The following SLC4A4 variants were observed in gnomAD, a reference collection of about 807,000 sequenced individuals.
SLC4A4 encodes electrogenic sodium bicarbonate cotransporter 1.
In SLC4A4, 27 loss-of-function variants were observed where a neutral mutation model predicts 111.5. The ratio of observed to expected loss-of-function variants is 0.24; its 90% confidence interval spans 0.18 to 0.33. The LOEUF (loss-of-function observed/expected upper bound fraction) is 0.33, where lower values mean the gene tolerates loss of function less well. Ranked by LOEUF, SLC4A4 falls within the 10% of genes least tolerant of loss-of-function variation. SLC4A4 has a pLI of 1.00. For missense variants in SLC4A4, 909 were observed against 1,315.5 expected, an observed-to-expected ratio of 0.69 and a Z score of 4.78; for synonymous variants, 443 against 463.4, an observed-to-expected ratio of 0.96 and a Z score of 0.57.
chr4:71,106,573 C>T (rs1249741107), intron 2 of SLC4A4, among the ~76,000 whole-genome samples: 4 of 145,900 alleles, frequency 2.7e-5, no homozygotes, highest in Admixed American at 6.9e-5. Context: ...CACATATACA[C>T]CATGGAATAC....
intron 7 of SLC4A4, 31 bp from the exon 8 acceptor site, chr4:71,440,584 TA>T (rs1724626762): frequency 6.2e-7 from 1 of 1,613,868 alleles, no homozygotes; most frequent in African/African-American, 1.3e-5. Flanking sequence ...CTTGTGGAAC[TA>T]AATTGTGTTT....
chr4:71,076,424 C>T (rs1578454970), intron 1 of SLC4A4, among the ~76,000 whole-genome samples: 1 of 151,870 alleles, frequency 6.6e-6, no homozygotes, highest in Non-Finnish European at 1.5e-5. Flanking sequence ...CCCAGCTACT[C>T]AGGAGGCTGA....
intron 2 of SLC4A4, among the ~76,000 whole-genome samples, chr4:71,244,811 A>G (rs1720524384): frequency 6.6e-6 from 1 of 151,302 alleles, no homozygotes; most frequent in South Asian, 2.1e-4. Flanking sequence ...AAATGGTAAG[A>G]ACAGTTGCAG....
intron 3 of SLC4A4, among the ~76,000 whole-genome samples, chr4:71,295,070 T>C (rs1270152290): frequency 2.0e-5 from 3 of 152,168 alleles, no homozygotes; most frequent in African/African-American, 2.4e-5. Flanking sequence ...ATATGGTTGA[T>C]TGGGGGAAAT....
At chr4:71,132,630 T>C (rs930901941) in intron 2 of SLC4A4, among the ~76,000 whole-genome samples, 1 of 152,218 alleles carries the variant, frequency 6.6e-6, no homozygotes, top group African/African-American at 2.4e-5. Context: ...CATATTATAA[T>C]AAGATCTTGA....
At chr4:71,512,412 T>C (rs1732011666) in intron 16 of SLC4A4, among the ~76,000 whole-genome samples, 1 of 152,230 alleles carries the variant, frequency 6.6e-6, no homozygotes, top group African/African-American at 2.4e-5. Flanking sequence ...TGAGCATTTT[T>C]TCATATACCT....
At chr4:71,409,202 A>G (rs993493513) in intron 7 of SLC4A4, among the ~76,000 whole-genome samples, 6 of 152,236 alleles carry the variant, frequency 3.9e-5, no homozygotes, top group Non-Finnish European at 7.3e-5. Context: ...TGTTGCTGAA[A>G]AAATACCCAA....
intron 6 of SLC4A4, among the ~76,000 whole-genome samples, chr4:71,385,198 T>TA (rs1560461174): frequency 2.1e-5 from 2 of 95,716 alleles, no homozygotes; most frequent in Non-Finnish European, 4.4e-5. Flanking sequence ...TATATTTTTT[T>TA]TTTTTTTTTT....
At chr4:71,222,354 CT>C (rs1314440872) in intron 1 of SLC4A4, among the ~76,000 whole-genome samples, 4 of 152,212 alleles carry the variant, frequency 2.6e-5, no homozygotes, top group African/African-American at 7.2e-5. Context: ...TCAACTATCA[CT>C]CGTTGAGGCC....
At chr4:71,213,469 A>G (rs1276288870) in intron 1 of SLC4A4, among the ~76,000 whole-genome samples, 1 of 152,102 alleles carries the variant, frequency 6.6e-6, no homozygotes, top group Non-Finnish European at 1.5e-5. Flanking sequence ...TCACCACACA[A>G]TTTGATCTTA....
chr4:71,066,961 G>A (rs578238394), intron 1 of SLC4A4, among the ~76,000 whole-genome samples: 3 of 152,198 alleles, frequency 2.0e-5, no homozygotes, highest in African/African-American at 4.8e-5. Context: ...ACTTTACTTC[G>A]CTCTTTAGCC....
At chr4:71,153,903 T>C (rs1444998663) in intron 2 of SLC4A4, among the ~76,000 whole-genome samples, 4 of 152,156 alleles carry the variant, frequency 2.6e-5, no homozygotes, top group African/African-American at 9.7e-5. Context: ...GTCATCAGTA[T>C]GTGATGCAGG....
chr4:71,385,807 C>T (rs1718658936), intron 6 of SLC4A4, among the ~76,000 whole-genome samples: 1 of 152,164 alleles, frequency 6.6e-6, no homozygotes, highest in Admixed American at 6.5e-5. Context: ...CCTGTTAGCT[C>T]CTCTCTTCCC....
chr4:71,229,445 G>T (rs1044299507), intron 1 of SLC4A4, among the ~76,000 whole-genome samples: 2 of 152,174 alleles, frequency 1.3e-5, no homozygotes, highest in African/African-American at 4.8e-5. Flanking sequence ...TTTTAATACA[G>T]TTCATAAATC....
At chr4:71,070,479 T>A (rs1741635484) in intron 1 of SLC4A4, among the ~76,000 whole-genome samples, 1 of 152,196 alleles carries the variant, frequency 6.6e-6, no homozygotes, top group African/African-American at 2.4e-5. Context: ...CATATTTTAT[T>A]GGCCAAAGTC....
intron 7 of SLC4A4, among the ~76,000 whole-genome samples, chr4:71,424,128 C>A (rs1722843222): frequency 6.6e-6 from 1 of 152,038 alleles, no homozygotes; most frequent in Non-Finnish European, 1.5e-5. Context: ...CTACAATGAA[C>A]TCAAACAAAT....
intron 23 of SLC4A4, among the ~76,000 whole-genome samples, chr4:71,561,187 C>T (rs1736947800): frequency 6.6e-6 from 1 of 151,760 alleles, no homozygotes; most frequent in Non-Finnish European, 1.5e-5. Context: ...TACTTGATAA[C>T]TTTGATTGAT....
chr4:71,332,334 C>A (rs1728066760), intron 3 of SLC4A4, among the ~76,000 whole-genome samples: 1 of 151,978 alleles, frequency 6.6e-6, no homozygotes. Context: ...CAATCTTTCT[C>A]TCCCTTCTCT....
intron 2 of SLC4A4, among the ~76,000 whole-genome samples, chr4:71,155,487 G>A (rs1178640122): frequency 6.6e-6 from 1 of 152,082 alleles, no homozygotes; most frequent in Non-Finnish European, 1.5e-5. Context: ...TTAAGATATA[G>A]GGTCTTGTTC....
Sources: gnomAD v4.1 joint callset for allele counts (sites outside exome capture counted in the v4.1 genomes callset) on GRCh38, gnomAD v4.1.1 for gene constraint, MANE v1.5 for transcripts, NCBI Gene and HGNC (gene_info 2026-07-23, HGNC 2026-07-21) for gene names.